The following ATP13A4 variants were observed in gnomAD, a reference collection of about 807,000 sequenced individuals.
ATP13A4 encodes probable cation-transporting ATPase 13A4.
Under a neutral mutation model 142.5 loss-of-function variants are expected in ATP13A4, and 114 were observed. The observed-to-expected ratio is 0.80, with a 90% CI of 0.69 to 0.93. The LOEUF (loss-of-function observed/expected upper bound fraction) is 0.93, where lower values mean the gene tolerates loss of function less well. ATP13A4 is among the 40% of genes least tolerant of loss of function. ATP13A4 has a pLI of 0.00. For missense variants in ATP13A4, 1,392 were observed against 1,454.0 expected, an observed-to-expected ratio of 0.96 and a Z score of 0.69; for synonymous variants, 488 against 514.8, an observed-to-expected ratio of 0.95 and a Z score of 0.70.
chr3:193,496,942 G>T (rs1179538146), intron 3 of ATP13A4, among the ~76,000 whole-genome samples: 1 of 151,940 alleles, frequency 6.6e-6, no homozygotes, highest in Non-Finnish European at 1.5e-5. Context: ...GACTTAAATG[G>T]AAGATGGGAA....
intron 25 of ATP13A4, among the ~76,000 whole-genome samples, chr3:193,415,467 G>C (rs1432704326): frequency 6.6e-6 from 1 of 152,224 alleles, no homozygotes; most frequent in Non-Finnish European, 1.5e-5. Flanking sequence ...GGAAAGTTTT[G>C]TGGCATTTCT....
chr3:193,548,000 T>C lies in ATP13A4; in HGVS notation c.60+6740A>G, dbSNP rs199619579. ...ACTCCTGGCAAAAAGTAGAGGTTTCTTAAATACTTGTTGGGTTTATACATG... is the reference window on the plus strand; with the variant it reads ...ACTCCTGGCAAAAAGTAGAGGTTTCCTAAATACTTGTTGGGTTTATACATG... On this transcript the variant is annotated intron_variant, in intron 1 of 29. Coordinates refer to ENST00000342695, the MANE Select transcript of ATP13A4 (RefSeq NM_032279.4). Among the ~76,000 whole-genome samples the C allele has an allele frequency of 1.1e-4, 16 of 152,330 alleles. No homozygotes were observed. The East Asian group carries it at 2.5e-3, about 24-fold the overall frequency.
chr3:193,460,216 C>T (rs981050367), intron 13 of ATP13A4, among the ~76,000 whole-genome samples: 3 of 152,196 alleles, frequency 2.0e-5, no homozygotes, highest in African/African-American at 7.2e-5. Context: ...GGCTGTTCCT[C>T]TAATAACAGC....
intron 3 of ATP13A4, among the ~76,000 whole-genome samples, chr3:193,497,297 G>A (rs1720297391): frequency 6.6e-6 from 1 of 152,204 alleles, no homozygotes; most frequent in East Asian, 1.9e-4. Flanking sequence ...CACACAAATG[G>A]CTCACAGATA....
intron 2 of ATP13A4, among the ~76,000 whole-genome samples, chr3:193,512,308 A>G (rs1336442760): frequency 6.6e-6 from 1 of 152,168 alleles, no homozygotes; most frequent in Non-Finnish European, 1.5e-5. Flanking sequence ...ATAGATACTC[A>G]CACCCCTGCT....
chr3:193,493,220 C>T (rs933544680), intron 3 of ATP13A4, 60 bp from the exon 4 acceptor site: 1 of 1,386,240 alleles, frequency 7.2e-7, no homozygotes, highest in African/African-American at 1.4e-5. Context: ...AAACAGCAAC[C>T]CAGTGGCTAA....
In ATP13A4 at chr3:193,399,263, G is replaced by T. The variant is rs1170491593; in HGVS notation, c.*3389C>A. Among the ~76,000 whole-genome samples the T allele has an allele frequency of 6.6e-6, 1 of 152,120 alleles. No homozygotes were observed. The highest frequency in any genetic ancestry group is 2.4e-5 in the African/African-American group (1 of 41,422). Reference sequence around the variant, plus strand: ...GCTCAAGAAAGTGTATTGATAACAGGTTGCTCCGCCCTCAAGTTTAGGGCA... The same window carrying T: ...GCTCAAGAAAGTGTATTGATAACAGTTTGCTCCGCCCTCAAGTTTAGGGCA... On this transcript the variant is annotated 3_prime_UTR_variant, in exon 30 of 30. Transcript: ENST00000342695.
At chr3:193,442,298 T>C (rs1437528387) in intron 19 of ATP13A4, 95 bp downstream of exon 19, 1 of 1,304,218 alleles carries the variant, frequency 7.7e-7, no homozygotes, top group African/African-American at 1.5e-5. Context: ...TGCTAGACAT[T>C]TGGAAGCATA....
At chr3:193,539,960 C>T (rs1722795618) in intron 1 of ATP13A4, among the ~76,000 whole-genome samples, 1 of 152,044 alleles carries the variant, frequency 6.6e-6, no homozygotes. Context: ...TGCACTGAGA[C>T]CTTGTATAAT....
intron 7 of ATP13A4, among the ~76,000 whole-genome samples, chr3:193,489,211 G>A (rs1400362349): frequency 2.0e-5 from 3 of 152,140 alleles, no homozygotes; most frequent in Non-Finnish European, 4.4e-5. Flanking sequence ...GATGAGGTTG[G>A]CATTCACGGA....
Position 193,489,835 on chromosome 3 carries a change from G to A in ATP13A4, c.633C>T (p.Leu211=). 6.2e-7 allele frequency: 1 copy of A among 1,612,804 alleles called. No individual in the cohort carries two copies. The highest frequency in any genetic ancestry group is 8.5e-7 in the Non-Finnish European group (1 of 1,178,976). Residue 211 remains leucine (L), a synonymous_variant, in exon 7 of 30, where the codon CTC becomes CTT. Transcript: ENST00000342695. ...CACTAAACCACAAACAGACACTGAA[G>A]AGTTGAAATATATAAAATGGATTTA... The part of the protein sequence containing the change: ...EVLNPFYIFQ[L]FSVCLWFSED...
chr3:193,552,599 T>G (rs977091566), intron 1 of ATP13A4, among the ~76,000 whole-genome samples: 1 of 152,216 alleles, frequency 6.6e-6, no homozygotes, highest in Admixed American at 6.5e-5. Context: ...CTAAGAAGAC[T>G]GGATGTTGAT....
rs562973744 is a variant in ATP13A4, at chr3:193,417,978, C to T, written c.2843-3228G>A. Among the ~76,000 whole-genome samples, 79 of 145,636 alleles carry T rather than the reference C, an allele frequency of 5.4e-4. 5 individuals carry two copies. The highest frequency in any genetic ancestry group is 1.5e-3 in the Admixed American group (20 of 13,646). On this transcript the variant is annotated intron_variant, in intron 25 of 29. Coordinates refer to ENST00000342695, the MANE Select transcript of ATP13A4 (RefSeq NM_032279.4). ...TCTACTAAAAATACAAAAAATTAGC[C>T]GGGCGTAGTGGCGGGCGCCTGTAGT...
At chr3:193,405,666 C>A (rs1009418845) in intron 29 of ATP13A4, among the ~76,000 whole-genome samples, 6 of 151,604 alleles carry the variant, frequency 4.0e-5, no homozygotes, top group Admixed American at 3.9e-4. Flanking sequence ...AGTTACTAAG[C>A]CAGTCCTGAA....
At position 193,588,145 on chromosome 3, in the gene ATP13A4, TAAAC is replaced by T. The variant is rs1398997898; in HGVS notation, n.91+4872_91+4875del. Among the ~76,000 whole-genome samples, 5 of 152,188 alleles carry T rather than the reference TAAAC, an allele frequency of 3.3e-5. No homozygotes were observed. In the South Asian group the frequency reaches 8.3e-4, roughly 25 times the overall value. ...AAGACGCTGTCTCAAAATAAATAAATAAACAAACATTATAAAATAATGTGGATTT... is the reference window on the plus strand; with the variant it reads ...AAGACGCTGTCTCAAAATAAATAAATAAACATTATAAAATAATGTGGATTT... On this transcript the variant is annotated intron_variant and non_coding_transcript_variant, in intron 1 of 3. Transcript: ENST00000489140.
chr3:193,563,952 GT>G (rs1724079853), intron 2 of ATP13A4, among the ~76,000 whole-genome samples: 1 of 152,046 alleles, frequency 6.6e-6, no homozygotes, highest in African/African-American at 2.4e-5. Flanking sequence ...TTCTAAATTA[GT>G]ATTAGAAGTT....
intron 1 of ATP13A4, among the ~76,000 whole-genome samples, chr3:193,521,216 TA>T (rs1721696683): frequency 2.0e-5 from 3 of 152,190 alleles, no homozygotes; most frequent in Admixed American, 2.0e-4. Context: ...TGATGAGTTT[TA>T]AAATAACTAT....
At chr3:193,573,434 C>A (rs1358766423) in intron 2 of ATP13A4, among the ~76,000 whole-genome samples, 1 of 151,140 alleles carries the variant, frequency 6.6e-6, no homozygotes, top group East Asian at 1.9e-4. Context: ...ACAAATGACT[C>A]TCTGGAGCAC....
At chr3:193,568,320 A>G (rs915868035) in intron 2 of ATP13A4, among the ~76,000 whole-genome samples, 2 of 152,192 alleles carry the variant, frequency 1.3e-5, no homozygotes, top group African/African-American at 4.8e-5. Context: ...ATTCCAGGAA[A>G]AAAGCTGCCA....
Sources: allele counts gnomAD v4.1 joint callset (sites outside exome capture counted in the v4.1 genomes callset), GRCh38; gene constraint gnomAD v4.1.1; transcripts MANE v1.5; gene names NCBI Gene and HGNC (gene_info 2026-07-23, HGNC 2026-07-21).